Variants in STARD10 observed in about 807,000 individuals in gnomAD.
The protein encoded by STARD10 is START domain-containing protein 10.
Under a neutral mutation model 36.0 loss-of-function variants are expected in STARD10, and 24 were observed. The ratio of observed to expected loss-of-function variants is 0.67; its 90% confidence interval spans 0.48 to 0.94. The LOEUF is 0.94. Among genes scored for constraint, STARD10 ranks in the 40% least tolerant of loss-of-function variants. The pLI, the probability that STARD10 is intolerant of heterozygous loss-of-function variation, is 0.00. For missense variants in STARD10, 335 were observed against 396.6 expected (o/e 0.84, Z 1.32); for synonymous variants, 156 against 161.9 (o/e 0.96, Z 0.28).
rs1489756877 is a variant in STARD10 at position 72,781,587 on chromosome 11, C to T, written c.-113-293G>A. ...GGGGCCCGCGGAGCGACCTGCTCAA[C>T]TAACTCGCAGCGACGCCGGGCGGGC... On this transcript the variant is annotated intron_variant, in intron 1 of 6. Coordinates refer to ENST00000334805, the MANE Select transcript of STARD10 (RefSeq NM_006645.3). This position sits in a 1 kb window ranked among gnomAD's most constrained non-coding sequence, Gnocchi z 4.7. 3 of 153,030 alleles carry T rather than the reference C, an allele frequency of 2.0e-5. No individual in the cohort carries two copies. The highest frequency in any genetic ancestry group is 4.3e-5 in the Non-Finnish European group (3 of 69,368). 9.5% of individuals were successfully genotyped at this position (153,030 alleles called of 1,614,324 possible). A position where few individuals can be genotyped will look rare whatever the true frequency, so the allele number is the denominator to read the frequency against.
chr11:72,771,791 C>A (rs1269365705), intron 2 of STARD10, among the ~76,000 whole-genome samples: 1 of 152,146 alleles, frequency 6.6e-6, no homozygotes, highest in Non-Finnish European at 1.5e-5. Flanking sequence ...TACCTCTCCA[C>A]TTCTATCCTG....
chr11:72,762,540 A>G (rs563410748), intron 2 of STARD10, among the ~76,000 whole-genome samples: 5 of 152,110 alleles, frequency 3.3e-5, no homozygotes, highest in South Asian at 4.1e-4. Context: ...AGATCCAACC[A>G]TTTAATCAGC....
chr11:72,774,942 G>A (rs746242706), intron 2 of STARD10, among the ~76,000 whole-genome samples: 7 of 152,236 alleles, frequency 4.6e-5, no homozygotes, highest in Non-Finnish European at 8.8e-5. Flanking sequence ...AAACTGAGCT[G>A]GGGCTCGTTA....
At chr11:72,782,843 T>C (rs1423264345) in intron 1 of STARD10, among the ~76,000 whole-genome samples, 2 of 152,156 alleles carry the variant, frequency 1.3e-5, no homozygotes, top group African/African-American at 2.4e-5. Context: ...TGGCAGTCTG[T>C]CGCAGTGACT....
intron 5 of STARD10, 89 bp downstream of exon 5, chr11:72,757,678 G>A: frequency 8.3e-7 from 1 of 1,210,724 alleles, no homozygotes; most frequent in Non-Finnish European, 1.2e-6. Flanking sequence ...GCTCCTAACA[G>A]ATGCCCTTCT....
At position 72,754,824 on chromosome 11, in the gene STARD10, G is replaced by T; in HGVS notation, c.*73C>A. The T allele has an allele frequency of 7.1e-6, 11 of 1,544,184 alleles. No individual in the cohort carries two copies. Among genetic ancestry groups the T allele is most frequent in the Non-Finnish European group, 9.6e-6 (11 of 1,151,664 alleles). Reference sequence around the variant, plus strand: ...GCCACCAGGTGCCGGGTGGGGGAGGGGAGAAAGTGCAGGAGCGGCCGCCGC... The same window carrying T: ...GCCACCAGGTGCCGGGTGGGGGAGGTGAGAAAGTGCAGGAGCGGCCGCCGC... On this transcript the variant is annotated 3_prime_UTR_variant, in exon 7 of 7. Transcript: ENST00000334805.
intron 2 of STARD10, among the ~76,000 whole-genome samples, chr11:72,775,003 G>A (rs1487060491): frequency 6.6e-6 from 1 of 152,222 alleles, no homozygotes; most frequent in Non-Finnish European, 1.5e-5. Flanking sequence ...CACAGAGCCA[G>A]CCTGGGGGCT....
In STARD10 at chr11:72,781,848, G is replaced by C. The variant is rs1859004374; in HGVS notation, c.-113-554C>G. 6.6e-6 allele frequency: 1 copy of C among 150,582 alleles called. No individual in the cohort carries two copies. The highest frequency in any genetic ancestry group is 2.4e-5 in the African/African-American group (1 of 41,114). 9.3% of individuals were successfully genotyped at this position (150,582 alleles called of 1,614,324 possible). On this transcript the variant is annotated intron_variant, in intron 1 of 6. Transcript: ENST00000334805. This position sits in a 1 kb window ranked among gnomAD's most constrained non-coding sequence, Gnocchi z 4.7. ...GGCTAGGCTGGGGGCTCGGGGGCTCGGGGGCTCGGCGGCCGCGGCTCGGGA... is the reference window on the plus strand; with the variant it reads ...GGCTAGGCTGGGGGCTCGGGGGCTCCGGGGCTCGGCGGCCGCGGCTCGGGA...
At position 72,781,025 on chromosome 11, in the gene STARD10, A is replaced by T. The variant is rs1355967930; in HGVS notation, c.157T>A (p.Ser53Thr). Residue 53 changes from serine to threonine, a missense_variant, in exon 2 of 7, where the codon TCT (serine) becomes ACT (threonine). Physicochemically the swap from Ser to Thr is moderately conservative, Grantham distance 58. Transcript: ENST00000334805. This position sits in a 1 kb window ranked among gnomAD's most constrained non-coding sequence, Gnocchi z 4.7. ...ATCTCCACAGCCTGCACCCAGACAG[A>T]CACCCCAGCCCTGCTATAGGTCAGG... ...WNLTYSRAGV[S>T]VWVQAVEMDR... The T allele has an allele frequency of 6.2e-7, 1 of 1,614,022 alleles. No homozygotes were observed. Among genetic ancestry groups the T allele is most frequent in the Non-Finnish European group, 8.5e-7 (1 of 1,180,026 alleles).
intron 1 of STARD10, among the ~76,000 whole-genome samples, chr11:72,784,221 G>A (rs1289249252): frequency 6.6e-6 from 1 of 152,190 alleles, no homozygotes; most frequent in Non-Finnish European, 1.5e-5. Context: ...ATCTGCTCCA[G>A]AGCAGAAGAA....
At chr11:72,789,197 A>G (rs889033028) in intron 1 of STARD10, among the ~76,000 whole-genome samples, 2 of 152,168 alleles carry the variant, frequency 1.3e-5, no homozygotes, top group African/African-American at 4.8e-5. Context: ...TGTCATGACA[A>G]TGAGGATGAA....
Position 72,767,331 on chromosome 11 carries a change from C to CAG in STARD10, c.208-7952_208-7951dup, listed in dbSNP as rs1189984453. 8.5e-5 allele frequency among the ~76,000 whole-genome samples: 13 copies of CAG among 152,354 alleles called. 1 individual carries two copies. Among genetic ancestry groups the CAG allele is most frequent in the Middle Eastern group, 6.8e-3 (2 of 294 alleles). ...CCACCTCTGCCAGCTGTCAAGGGCA[C>CAG]AGAGCTGCATCCTTTGCAGATATTG... On this transcript the variant is annotated intron_variant, in intron 2 of 6. Coordinates refer to ENST00000334805, the MANE Select transcript of STARD10 (RefSeq NM_006645.3).
At chr11:72,780,945 G>A (rs1047027696) in intron 2 of STARD10, 30 bp downstream of exon 2, 10 of 1,603,436 alleles carry the variant, frequency 6.2e-6, no homozygotes, top group Non-Finnish European at 6.8e-6. Flanking sequence ...AGGGTGCAGT[G>A]GAGGCTGCAG....
chr11:72,791,076 A>G (rs1042792616), intron 1 of STARD10, among the ~76,000 whole-genome samples: 3 of 152,222 alleles, frequency 2.0e-5, no homozygotes, highest in East Asian at 1.9e-4. Context: ...CATTTAATTT[A>G]TAGGTAAACC....
chr11:72,757,466 A>G (rs1187659548), intron 5 of STARD10, among the ~76,000 whole-genome samples: 1 of 152,238 alleles, frequency 6.6e-6, no homozygotes, highest in Non-Finnish European at 1.5e-5. Context: ...TAGAAAACCC[A>G]GGCATCCAGG....
In STARD10 at chr11:72,759,581, G is replaced by A. The variant is rs117641360; in HGVS notation, c.208-200C>T. Among the ~76,000 whole-genome samples, 609 of 152,252 alleles carry A rather than the reference G, an allele frequency of 4.0e-3. 3 individuals carry two copies. Among genetic ancestry groups the A allele is most frequent in the Non-Finnish European group, 6.0e-3 (407 of 68,020 alleles). On this transcript the variant is annotated intron_variant, in intron 2 of 6. Transcript: ENST00000334805. ...AGCCACCTGTGCCAGGAGACAGACAGCCTCTGTATCCAGAGACCATCTCCC... is the reference window on the plus strand; with the variant it reads ...AGCCACCTGTGCCAGGAGACAGACAACCTCTGTATCCAGAGACCATCTCCC...
rs1422875209 is a variant in STARD10 at position 72,756,655 on chromosome 11, G to A, written c.578-902C>T. On this transcript the variant is annotated intron_variant, in intron 5 of 6. Coordinates refer to ENST00000334805, the MANE Select transcript of STARD10 (RefSeq NM_006645.3). ...GATGGGTGAGGTGTGAGAGACACCA[G>A]GAGACCTGGGACAGGGCTTAGGCTT... Among the ~76,000 whole-genome samples the A allele has an allele frequency of 3.9e-5, 6 of 152,218 alleles. No individual in the cohort carries two copies. The East Asian group carries it at 1.2e-3, about 30-fold the overall frequency.
At chr11:72,757,070 G>A (rs1299131919) in intron 5 of STARD10, among the ~76,000 whole-genome samples, 5 of 151,290 alleles carry the variant, frequency 3.3e-5, no homozygotes, top group Middle Eastern at 3.2e-3. Flanking sequence ...ATTTGAACCC[G>A]GGAGGCAGAG....
chr11:72,787,646 T>TC (rs1859091274), intron 1 of STARD10, among the ~76,000 whole-genome samples: 1 of 152,212 alleles, frequency 6.6e-6, no homozygotes, highest in Non-Finnish European at 1.5e-5. Flanking sequence ...GGTCGATGCG[T>TC]CCTTCCAAAA....
Sources: gnomAD v4.1 joint callset for allele counts (sites outside exome capture counted in the v4.1 genomes callset) on GRCh38, gnomAD v4.1.1 for gene constraint, Gnocchi (gnomAD v3.1) non-coding constraint, MANE v1.5 for transcripts, NCBI Gene and HGNC (gene_info 2026-07-23, HGNC 2026-07-21) for gene names.